Variants in SASH1 observed in about 807,000 individuals in gnomAD.
The protein encoded by SASH1 is SAM and SH3 domain-containing protein 1.
SASH1 carries 44 observed loss-of-function variants against 125.2 expected under a neutral mutation model. The ratio of observed to expected loss-of-function variants is 0.35; its 90% CI spans 0.28 to 0.45. SASH1 has a LOEUF of 0.45. Ranked by LOEUF, SASH1 falls within the 20% of genes least tolerant of loss-of-function variation. The pLI, the probability that SASH1 is intolerant of heterozygous loss-of-function variation, is 1.00. For missense variants in SASH1, 1,426 were observed against 1,614.5 expected, an observed-to-expected ratio of 0.88 and a Z score of 2.00; for synonymous variants, 639 against 649.1, an observed-to-expected ratio of 0.98 and a Z score of 0.24.
At chr6:148,539,470 C>T (rs1392710974) in intron 16 of SASH1, among the ~76,000 whole-genome samples, 1 of 152,086 alleles carries the variant, frequency 6.6e-6, no homozygotes, top group Non-Finnish European at 1.5e-5. Flanking sequence ...GTTTTCTACT[C>T]CTGTGTTACT....
At chr6:148,268,712 G>T (rs2128501830), upstream of SASH1, among the ~76,000 whole-genome samples, 1 of 152,302 alleles carries the variant, frequency 6.6e-6, no homozygotes, top group South Asian at 2.1e-4. Flanking sequence ...TTCTTGCACT[G>T]TTTTGAGTCC....
At position 148,276,156 on chromosome 6, in the gene SASH1, T is replaced by G. The variant is rs148652543; in HGVS notation, n.74+3779T>G. Among the ~76,000 whole-genome samples, 50 of 152,336 alleles carry G rather than the reference T, an allele frequency of 3.3e-4. 1 individual carries two copies. The highest frequency in any genetic ancestry group is 1.2e-3 in the African/African-American group (48 of 41,574). On this transcript the variant is annotated intron_variant and non_coding_transcript_variant, in intron 1 of 3. Coordinates refer to the SASH1 transcript ENST00000367469. ...CTTGGATAAGTTAATTCTCTCTCCA[T>G]TTTTGCTTTTCTTCATTTGTAAGAT...
chr6:148,387,640 C>CCT (rs1562371431), intron 1 of SASH1, among the ~76,000 whole-genome samples: 21 of 40,324 alleles, frequency 5.2e-4, no homozygotes, highest in South Asian at 2.2e-3. Flanking sequence ...TTCTTTCTTT[C>CCT]TTTCTTTCTT....
At chr6:148,427,710 AC>A (rs1201107797) in intron 2 of SASH1, among the ~76,000 whole-genome samples, 1 of 152,218 alleles carries the variant, frequency 6.6e-6, no homozygotes, top group East Asian at 1.9e-4. Context: ...CCTGAATTTA[AC>A]CAATTCAACT....
chr6:148,514,341 T>C lies in SASH1; in HGVS notation c.747T>C (p.Asp249=). ...SSNCNSREQS[D]DETEESVKFK... Reference sequence around the variant, plus strand: ...TTTGCCAGTCAAGAGAACAATCGGATGATGAGACTGAGGAGTCGGTGAAGT... The same window carrying C: ...TTTGCCAGTCAAGAGAACAATCGGACGATGAGACTGAGGAGTCGGTGAAGT... The change falls in exon 9 of 20, where the codon GAT becomes GAC. Residue 249 remains aspartate (D), a synonymous_variant. Transcript: ENST00000367467. 1.2e-6 allele frequency: 2 copies of C among 1,607,894 alleles called. No individual in the cohort carries two copies. Among genetic ancestry groups the C allele is most frequent in the Admixed American group, 1.7e-5 (1 of 58,134 alleles).
At chr6:148,488,967 A>G (rs1778989513) in intron 8 of SASH1, among the ~76,000 whole-genome samples, 1 of 152,008 alleles carries the variant, frequency 6.6e-6, no homozygotes, top group African/African-American at 2.4e-5. Context: ...ACACACTTTT[A>G]AATTTTGAAA....
chr6:148,338,887 C>T (rs919753055), upstream of SASH1, among the ~76,000 whole-genome samples: 1 of 151,700 alleles, frequency 6.6e-6, no homozygotes, highest in Admixed American at 6.6e-5. Flanking sequence ...CTCCTGTAGT[C>T]CCAGCTACTT....
At chr6:148,368,289 G>GT (rs1562356812) in intron 1 of SASH1, among the ~76,000 whole-genome samples, 2 of 151,680 alleles carry the variant, frequency 1.3e-5, no homozygotes, top group African/African-American at 4.8e-5. Flanking sequence ...TTCTTTTTTT[G>GT]TTTTTTAGAC....
the SASH1 span, among the ~76,000 whole-genome samples, chr6:148,259,906 G>C: frequency 3.9e-5 from 6 of 152,056 alleles, no homozygotes; most frequent in Non-Finnish European, 8.8e-5. Flanking sequence ...CTTTTTAAGA[G>C]ACAGGATCTC....
At chr6:148,504,911 C>T (rs1562464404) in intron 8 of SASH1, among the ~76,000 whole-genome samples, 2 of 152,172 alleles carry the variant, frequency 1.3e-5, no homozygotes, top group South Asian at 2.1e-4. Flanking sequence ...CTCTCCCATC[C>T]TCTTAGGACA....
At position 148,359,325 on chromosome 6, in the gene SASH1, G is replaced by GTTTTTTT. The variant is rs374218290; in HGVS notation, c.156+16112_156+16118dup. Among the ~76,000 whole-genome samples the GTTTTTTT allele has an allele frequency of 1.9e-4, 27 of 138,542 alleles. 1 individual carries two copies. Among genetic ancestry groups the GTTTTTTT allele is most frequent in the South Asian group, 9.2e-4 (4 of 4,368 alleles). The allele number at this position is 138,542 out of a possible 152,430, so 90.9% of individuals were successfully genotyped here. On this transcript the variant is annotated intron_variant, in intron 1 of 19. Transcript: ENST00000367467. ...AGGCATGAGCCATTGTGCTTGGCCG[G>GTTTTTTT]TTTTTTTTTTTTTTTTAACAAATTG...
intron 2 of SASH1, among the ~76,000 whole-genome samples, chr6:148,429,745 T>A (rs1385510293): frequency 6.8e-6 from 1 of 146,880 alleles, no homozygotes; most frequent in African/African-American, 2.6e-5. Flanking sequence ...CCCATCTCTT[T>A]AAAAAAAAAC....
At chr6:148,399,214 CTTTTTTTTT>C (rs371374910) in intron 2 of SASH1, among the ~76,000 whole-genome samples, 17,847 of 106,556 alleles carry the variant, frequency 0.17, 1,222 homozygotes, top group South Asian at 0.3. Context: ...ATTTCAGCTT[CTTTTTTTTT>C]TTTTTTTTTT....
intron 2 of SASH1, among the ~76,000 whole-genome samples, chr6:148,411,113 C>G (rs188844315): frequency 7.9e-6 from 1 of 127,322 alleles, no homozygotes; most frequent in Non-Finnish European, 1.6e-5. Context: ...GAGCTGAGAT[C>G]GTGCCACTGC....
chr6:148,361,914 C>CTTTTTTTTTTTT (rs745596285), intron 1 of SASH1, among the ~76,000 whole-genome samples: 4 of 125,510 alleles, frequency 3.2e-5, no homozygotes, highest in Non-Finnish European at 3.3e-5. Flanking sequence ...TTTTCTTTTT[C>CTTTTTTTTTTTT]TTTTTTTTTT....
intron 7 of SASH1, chr6:148,480,358 T>G (rs1044369386): frequency 1.3e-5 from 2 of 152,154 alleles, no homozygotes; most frequent in Non-Finnish European, 2.9e-5. Context: ...TGAAACTTAT[T>G]TAATCACCGT....
the SASH1 span, among the ~76,000 whole-genome samples, chr6:148,262,002 C>A: frequency 6.6e-6 from 1 of 152,130 alleles, no homozygotes; most frequent in African/African-American, 2.4e-5. Flanking sequence ...CACACTCCAT[C>A]TTGACCGTGC....
At chr6:148,252,519 C>T in the SASH1 span, among the ~76,000 whole-genome samples, 3 of 150,668 alleles carry the variant, frequency 2.0e-5, no homozygotes, top group East Asian at 2.0e-4. Flanking sequence ...CGCTTTGTCG[C>T]CCAGGCTGGA....
chr6:148,480,824 G>C (rs1486406957), intron 7 of SASH1: 1 of 152,172 alleles, frequency 6.6e-6, no homozygotes, highest in Admixed American at 6.6e-5. Flanking sequence ...CACTGGAAAA[G>C]AATGAAATTT....
Sources: allele counts gnomAD v4.1 joint callset (sites outside exome capture counted in the v4.1 genomes callset), GRCh38; gene constraint gnomAD v4.1.1; transcripts MANE v1.5; gene names NCBI Gene and HGNC (gene_info 2026-07-23, HGNC 2026-07-21).